Variants in LHFPL6 observed in about 807,000 individuals in gnomAD.
LHFPL6 encodes the protein LHFPL tetraspan subfamily member 6, also known as LHFPL tetraspan subfamily member 6 protein.
LHFPL6 carries 9 observed loss-of-function variants against 20.6 expected under a neutral mutation model. The observed-to-expected ratio is 0.44, with a 90% CI of 0.26 to 0.76. The LOEUF is 0.76. LHFPL6 is among the 30% of genes least tolerant of loss of function. The pLI is 0.20. For synonymous variants in LHFPL6, 105 were observed against 98.7 expected, an observed-to-expected ratio of 1.06 and a Z score of -0.38; for missense variants, 218 against 253.5, an observed-to-expected ratio of 0.86 and a Z score of 0.95.
chr13:39,519,692 A>G (rs1173075655), intron 2 of LHFPL6, among the ~76,000 whole-genome samples: 1 of 152,232 alleles, frequency 6.6e-6, no homozygotes, highest in Non-Finnish European at 1.5e-5. Context: ...AATAAAAGTT[A>G]CAATCTATTC....
chr13:39,597,263 T>C (rs2138554343), intron 2 of LHFPL6, among the ~76,000 whole-genome samples: 1 of 152,360 alleles, frequency 6.6e-6, no homozygotes, highest in East Asian at 1.9e-4. Context: ...TAAGATGAAA[T>C]GTACACATTC....
chr13:39,528,433 G>T (rs1870360434), intron 2 of LHFPL6, among the ~76,000 whole-genome samples: 1 of 152,190 alleles, frequency 6.6e-6, no homozygotes. Context: ...GCAGCCTGGA[G>T]ACCCCAAAGA....
intron 2 of LHFPL6, among the ~76,000 whole-genome samples, chr13:39,535,548 C>T (rs1444268909): frequency 6.6e-6 from 1 of 152,146 alleles, no homozygotes; most frequent in Non-Finnish European, 1.5e-5. Context: ...CAGAAAGTGG[C>T]TATTTTTGTA....
intron 2 of LHFPL6, among the ~76,000 whole-genome samples, chr13:39,411,484 T>C (rs1374747631): frequency 6.6e-6 from 1 of 152,226 alleles, no homozygotes; most frequent in Non-Finnish European, 1.5e-5. Context: ...TAGTGGTATA[T>C]CCAAGCATGA....
intron 2 of LHFPL6, among the ~76,000 whole-genome samples, chr13:39,595,661 A>T (rs1306603687): frequency 6.6e-6 from 1 of 151,948 alleles, no homozygotes; most frequent in Non-Finnish European, 1.5e-5. Context: ...GTAGGCCTCC[A>T]TCTGAAGCTT....
chr13:39,415,141 T>G (rs1202181736), intron 2 of LHFPL6, among the ~76,000 whole-genome samples: 1 of 152,220 alleles, frequency 6.6e-6, no homozygotes, highest in Non-Finnish European at 1.5e-5. Flanking sequence ...TGTGCTTTTT[T>G]GTAATAGCAA....
intron 2 of LHFPL6, among the ~76,000 whole-genome samples, chr13:39,422,827 G>GT (rs1193002115): frequency 6.6e-6 from 1 of 152,106 alleles, no homozygotes; most frequent in East Asian, 1.9e-4. Flanking sequence ...AAGGTAAGAG[G>GT]TTTAATTAAC....
At chr13:39,573,402 G>C (rs1433784352) in intron 2 of LHFPL6, among the ~76,000 whole-genome samples, 1 of 151,444 alleles carries the variant, frequency 6.6e-6, no homozygotes, top group Non-Finnish European at 1.5e-5. Flanking sequence ...GTTTGTTCTG[G>C]GACCAGAAAA....
chr13:39,450,488 A>C (rs1414672470), intron 2 of LHFPL6, among the ~76,000 whole-genome samples: 1 of 152,158 alleles, frequency 6.6e-6, no homozygotes, highest in East Asian at 1.9e-4. Context: ...TTAAAACAAT[A>C]TGTATGTGTA....
intron 2 of LHFPL6, among the ~76,000 whole-genome samples, chr13:39,427,385 C>T (rs1421247206): frequency 6.6e-6 from 1 of 152,178 alleles, no homozygotes; most frequent in Non-Finnish European, 1.5e-5. Flanking sequence ...AGTCTTTCAC[C>T]ATAAAAATCA....
At chr13:39,549,629 T>C (rs1190714559) in intron 2 of LHFPL6, among the ~76,000 whole-genome samples, 1 of 152,120 alleles carries the variant, frequency 6.6e-6, no homozygotes, top group Admixed American at 6.5e-5. Context: ...TCAGCATACA[T>C]AGACCATATA....
intron 2 of LHFPL6, among the ~76,000 whole-genome samples, chr13:39,477,636 C>A (rs1364250394): frequency 6.6e-6 from 1 of 152,100 alleles, no homozygotes; most frequent in African/African-American, 2.4e-5. Flanking sequence ...AAACATAATG[C>A]CTTTTGTTTG....
At chr13:39,474,763 C>T (rs913995423) in intron 2 of LHFPL6, among the ~76,000 whole-genome samples, 3 of 151,782 alleles carry the variant, frequency 2.0e-5, no homozygotes, top group African/African-American at 2.4e-5. Context: ...AGGGAGCTCA[C>T]GGACCCATGG....
At chr13:39,498,824 T>C (rs1023077904) in intron 2 of LHFPL6, among the ~76,000 whole-genome samples, 1 of 152,194 alleles carries the variant, frequency 6.6e-6, no homozygotes, top group Admixed American at 6.5e-5. Flanking sequence ...AAACCTCCCA[T>C]GGTGATATTG....
chr13:39,443,714 T>C (rs1021168409), intron 2 of LHFPL6, among the ~76,000 whole-genome samples: 1 of 152,040 alleles, frequency 6.6e-6, no homozygotes. Context: ...AAGATATAGA[T>C]GGTCCCCAAC....
chr13:39,481,480 G>A (rs987496060), intron 2 of LHFPL6, among the ~76,000 whole-genome samples: 4 of 152,210 alleles, frequency 2.6e-5, no homozygotes, highest in Non-Finnish European at 5.9e-5. Context: ...CATATGTAAT[G>A]GAAAGTCATT....
intron 2 of LHFPL6, among the ~76,000 whole-genome samples, chr13:39,560,609 G>C (rs1281356187): frequency 6.8e-6 from 1 of 148,014 alleles, no homozygotes; most frequent in Non-Finnish European, 1.5e-5. Context: ...CCGCCTCCCG[G>C]GTTCACGCCA....
chr13:39,387,848 C>T (rs1488241759), intron 2 of LHFPL6, among the ~76,000 whole-genome samples: 1 of 152,168 alleles, frequency 6.6e-6, no homozygotes, highest in Non-Finnish European at 1.5e-5. Flanking sequence ...TTTCCAGTCA[C>T]CATTTGTCTA....
chr13:39,480,768 TG>T (rs1868483659), intron 2 of LHFPL6, among the ~76,000 whole-genome samples: 1 of 152,138 alleles, frequency 6.6e-6, no homozygotes, highest in South Asian at 2.1e-4. Flanking sequence ...GACACAACAG[TG>T]ACTGCAGGCT....
Sources: allele counts gnomAD v4.1 joint callset (sites outside exome capture counted in the v4.1 genomes callset), GRCh38; gene constraint gnomAD v4.1.1; transcripts MANE v1.5; gene names NCBI Gene and HGNC (gene_info 2026-07-23, HGNC 2026-07-21).